Variants in TMEM163 observed in about 807,000 individuals in gnomAD.
The protein encoded by TMEM163 is transmembrane protein 163.
Under a neutral mutation model 29.3 loss-of-function variants are expected in TMEM163, and 17 were observed. That is an observed-to-expected ratio of 0.58 (90% confidence interval 0.40 to 0.87). The LOEUF (loss-of-function observed/expected upper bound fraction) is 0.87, where lower values mean the gene tolerates loss of function less well. Among genes scored for constraint, TMEM163 ranks in the 40% least tolerant of loss-of-function variants. The pLI, the probability that TMEM163 is intolerant of heterozygous loss-of-function variation, is 0.00. For synonymous variants in TMEM163, 157 were observed against 160.6 expected, an observed-to-expected ratio of 0.98 and a Z score of 0.17; for missense variants, 303 against 381.5, an observed-to-expected ratio of 0.79 and a Z score of 1.71.
At chr2:134,592,680 T>C (rs552322136) in intron 2 of TMEM163, among the ~76,000 whole-genome samples, 254 of 151,844 alleles carry the variant, frequency 1.7e-3, no homozygotes, top group Admixed American at 3.8e-3. Flanking sequence ...GGGGAGGGGG[T>C]TGTTCAGTTG....
intron 4 of TMEM163, among the ~76,000 whole-genome samples, chr2:134,537,813 AGTG>A (rs1263916649): frequency 1.3e-5 from 2 of 152,246 alleles, no homozygotes; most frequent in Non-Finnish European, 2.9e-5. Context: ...AACAAACGTC[AGTG>A]AGGTGCAGGG....
intron 2 of TMEM163, among the ~76,000 whole-genome samples, chr2:134,625,220 G>A (rs946655142): frequency 6.6e-6 from 1 of 152,048 alleles, no homozygotes; most frequent in African/African-American, 2.4e-5. Context: ...ATAATAAAAG[G>A]TTTAATAACT....
At chr2:134,502,029 C>A (rs886151153) in intron 5 of TMEM163, among the ~76,000 whole-genome samples, 11 of 152,132 alleles carry the variant, frequency 7.2e-5, no homozygotes, top group African/African-American at 2.7e-4. Flanking sequence ...TTTTCATCTT[C>A]CCTATAAAAA....
Position 134,646,409 on chromosome 2 carries a change from T to G in TMEM163, c.322+66791A>C, listed in dbSNP as rs16830859. ...CTAGATGGCTTTTTTAGTTGTTGGT[T>G]TGCTTCTTTTCAGCTTCAACCCTCA... is the stretch of plus-strand genomic sequence containing the variant. On this transcript the variant is annotated intron_variant, in intron 2 of 7. Coordinates refer to ENST00000281924, the MANE Select transcript of TMEM163 (RefSeq NM_030923.5). Among the ~76,000 whole-genome samples the G allele has an allele frequency of 0.013, 1,928 of 151,562 alleles. 113 individuals are homozygous for G. The East Asian group carries it at 0.2, about 16-fold the overall frequency.
At position 134,460,405 on chromosome 2, in the gene TMEM163, A is replaced by G. The variant is rs927007348; in HGVS notation, c.668-2232T>C. Among the ~76,000 whole-genome samples the G allele has an allele frequency of 3.3e-5, 5 of 151,812 alleles. No homozygotes were observed. The highest frequency in any genetic ancestry group is 9.7e-5 in the African/African-American group (4 of 41,316). ...CCACTCCCTCCTGCCTCCAGCTAAC[A>G]GGCGAGCTTTGCCATTTTAACCGCC... On this transcript the variant is annotated intron_variant, in intron 6 of 7. Transcript: ENST00000281924. This position sits in a 1 kb window ranked among gnomAD's most constrained non-coding sequence, Gnocchi z 4.3.
chr2:134,562,093 G>C lies in TMEM163; in HGVS notation c.323-10002C>G, dbSNP rs1230165927. On this transcript the variant is annotated intron_variant, in intron 2 of 7. Transcript: ENST00000281924. ...TATGTTAAATACCTGTGAGGTTGCT[G>C]GGAGTTTGAAGCTTGTTTCTAGGTA... Among the ~76,000 whole-genome samples the C allele has an allele frequency of 2.6e-5, 4 of 152,310 alleles. No individual in the cohort carries two copies. The East Asian group carries it at 7.7e-4, about 29-fold the overall frequency.
chr2:134,606,205 C>T (rs1481693607), intron 2 of TMEM163, among the ~76,000 whole-genome samples: 1 of 152,060 alleles, frequency 6.6e-6, no homozygotes, highest in African/African-American at 2.4e-5. Context: ...CAAAACCCCC[C>T]TCCAGGGTCA....
chr2:134,682,729 T>G (rs998699475), intron 2 of TMEM163, among the ~76,000 whole-genome samples: 7 of 152,176 alleles, frequency 4.6e-5, no homozygotes, highest in African/African-American at 1.7e-4. Context: ...GGAGGACAGT[T>G]TGGCAGTTTC....
At chr2:134,526,851 C>A (rs560470548) in intron 4 of TMEM163, among the ~76,000 whole-genome samples, 46 of 152,282 alleles carry the variant, frequency 3.0e-4, no homozygotes, top group African/African-American at 1.1e-3. Flanking sequence ...GCTCATCCTC[C>A]AAGCCTTGTC....
At chr2:134,648,852 T>A (rs1683399638) in intron 2 of TMEM163, among the ~76,000 whole-genome samples, 1 of 152,336 alleles carries the variant, frequency 6.6e-6, no homozygotes, top group Middle Eastern at 3.4e-3. Flanking sequence ...TAATATGGGA[T>A]GTAAATGATT....
intron 2 of TMEM163, among the ~76,000 whole-genome samples, chr2:134,638,128 C>T (rs1179924686): frequency 6.6e-6 from 1 of 152,122 alleles, no homozygotes; most frequent in Non-Finnish European, 1.5e-5. Context: ...TAAAAATTTA[C>T]CAATGTACTT....
rs181319059 is a variant in TMEM163, at chr2:134,640,101, C to A, written c.322+73099G>T. On this transcript the variant is annotated intron_variant, in intron 2 of 7. Coordinates refer to ENST00000281924, the MANE Select transcript of TMEM163 (RefSeq NM_030923.5). ...TAAAGTACCAGTTCTGCAATCAGTA[C>A]TTGGGAAAAGGTTAAAACTCAAGTC... Among the ~76,000 whole-genome samples the A allele has an allele frequency of 2.7e-3, 418 of 152,144 alleles. 2 individuals carry two copies. The highest frequency in any genetic ancestry group is 9.1e-3 in the African/African-American group (379 of 41,500).
intron 3 of TMEM163, among the ~76,000 whole-genome samples, chr2:134,551,228 GTGTGTGTGTATGCA>G (rs1680914237): frequency 6.7e-6 from 1 of 149,898 alleles, no homozygotes; most frequent in African/African-American, 2.5e-5. Context: ...GTGTTTCTGG[GTGTGTGTGTATGCA>G]TGTGTGTGTG....
Position 134,456,117 on chromosome 2 carries a change from G to T in TMEM163, c.*599C>A, listed in dbSNP as rs1002212134. 2 of 152,710 alleles carry T rather than the reference G, an allele frequency of 1.3e-5. No homozygotes were observed. Among genetic ancestry groups the T allele is most frequent in the African/African-American group, 4.8e-5 (2 of 41,434 alleles). The allele number at this position is 152,710 out of a possible 1,614,324, so 9.5% of individuals were successfully genotyped here. On this transcript the variant is annotated 3_prime_UTR_variant, in exon 8 of 8. Coordinates refer to ENST00000281924, the MANE Select transcript of TMEM163 (RefSeq NM_030923.5). ...CAATGTGCTTATTTAATTCGTCCAT[G>T]CAAAGCTTATACGTGTATCACTAAG...
At chr2:134,673,999 C>CGACA (rs1466275537) in intron 2 of TMEM163, among the ~76,000 whole-genome samples, 2 of 152,216 alleles carry the variant, frequency 1.3e-5, no homozygotes, top group Admixed American at 6.5e-5. Flanking sequence ...AATTCTAAAA[C>CGACA]TGTCTCCTGA....
At chr2:134,650,376 G>C (rs1683441899) in intron 2 of TMEM163, among the ~76,000 whole-genome samples, 1 of 151,978 alleles carries the variant, frequency 6.6e-6, no homozygotes, top group African/African-American at 2.4e-5. Flanking sequence ...GAAGCAGCAA[G>C]ATTATAGGTG....
At position 134,534,506 on chromosome 2, in the gene TMEM163, C is replaced by T. The variant is rs543154129; in HGVS notation, c.458+16064G>A. ...GTGGCTCACGCCTGTAATCCTAACA[C>T]TTTGGGAGGCCAAGGCAGGCAGATC... On this transcript the variant is annotated intron_variant, in intron 4 of 7. Coordinates refer to ENST00000281924, the MANE Select transcript of TMEM163 (RefSeq NM_030923.5). Among the ~76,000 whole-genome samples the T allele has an allele frequency of 2.0e-5, 3 of 152,266 alleles. No individual in the cohort carries two copies. The East Asian group carries it at 5.8e-4, about 29-fold the overall frequency.
intron 2 of TMEM163, among the ~76,000 whole-genome samples, chr2:134,617,586 AG>A (rs986664995): frequency 1.3e-5 from 2 of 151,690 alleles, no homozygotes; most frequent in African/African-American, 4.9e-5. Context: ...TGGGCAAAAA[AG>A]TGAGACCCCA....
intron 5 of TMEM163, among the ~76,000 whole-genome samples, chr2:134,498,567 G>C (rs891858122): frequency 6.6e-6 from 1 of 152,082 alleles, no homozygotes; most frequent in Admixed American, 6.6e-5. Context: ...CCTGGCCTTA[G>C]GTGATCCGCC....
Sources: allele counts gnomAD v4.1 joint callset (sites outside exome capture counted in the v4.1 genomes callset), GRCh38; gene constraint gnomAD v4.1.1; non-coding constraint Gnocchi (gnomAD v3.1); transcripts MANE v1.5; gene names NCBI Gene and HGNC (gene_info 2026-07-23, HGNC 2026-07-21).